MEGF10: variants seen among roughly 807,000 people sequenced by gnomAD.
MEGF10 encodes the protein multiple epidermal growth factor-like domains protein 10.
A neutral mutation model predicts 147.5 loss-of-function variants in MEGF10; 86 were observed. That is an observed-to-expected ratio of 0.58 (90% CI 0.49 to 0.70). The LOEUF is 0.70. Ranked by LOEUF, MEGF10 falls within the 30% of genes least tolerant of loss-of-function variation. MEGF10 has a pLI of 0.00. For synonymous variants in MEGF10, 478 were observed against 525.5 expected (o/e 0.91, Z 1.24); for missense variants, 1,329 against 1,487.3 (o/e 0.89, Z 1.75).
At chr5:127,434,238 G>A (rs1444953943) in intron 14 of MEGF10, among the ~76,000 whole-genome samples, 1 of 151,286 alleles carries the variant, frequency 6.6e-6, no homozygotes, top group African/African-American at 2.4e-5. Flanking sequence ...TTTTGAGGAG[G>A]AAAAATCTTC....
intron 22 of MEGF10, among the ~76,000 whole-genome samples, chr5:127,451,829 G>T (rs556018017): frequency 6.6e-6 from 1 of 152,284 alleles, no homozygotes; most frequent in East Asian, 1.9e-4. Context: ...CACAGAAAAA[G>T]TTCTTCACAA....
chr5:127,283,454 C>G, the MEGF10 span, among the ~76,000 whole-genome samples: 1 of 152,174 alleles, frequency 6.6e-6, no homozygotes, highest in East Asian at 1.9e-4. Flanking sequence ...CAAGCATGAT[C>G]CCACTCCACA....
At chr5:127,261,245 C>A in the MEGF10 span, among the ~76,000 whole-genome samples, 1 of 152,152 alleles carries the variant, frequency 6.6e-6, no homozygotes, top group African/African-American at 2.4e-5. Context: ...CATCACCCCT[C>A]AATCCAAATC....
intron 24 of MEGF10, among the ~76,000 whole-genome samples, chr5:127,456,888 C>T (rs1288861793): frequency 6.6e-6 from 1 of 152,194 alleles, no homozygotes; most frequent in Non-Finnish European, 1.5e-5. Context: ...CCCTTAATAT[C>T]TTCATCCCGA....
At chr5:127,437,678 A>AC (rs1244047761) in intron 16 of MEGF10, among the ~76,000 whole-genome samples, 2 of 152,102 alleles carry the variant, frequency 1.3e-5, no homozygotes, top group Admixed American at 6.5e-5. Context: ...ATCGGCAGTG[A>AC]CCCCTAATGA....
intron 1 of MEGF10, among the ~76,000 whole-genome samples, chr5:127,310,770 G>C (rs2585189): frequency 0.66 from 101,033 of 151,970 alleles, 33,954 homozygotes; most frequent in Middle Eastern, 0.82. Flanking sequence ...ATCATTTGTA[G>C]TATAGGGGCT....
intron 6 of MEGF10, 51 bp downstream of exon 6, chr5:127,396,829 T>C: frequency 6.4e-7 from 1 of 1,573,386 alleles, no homozygotes; most frequent in South Asian, 1.2e-5. Flanking sequence ...ACCCTCTCCA[T>C]TCATGCTGCT....
intron 1 of MEGF10, among the ~76,000 whole-genome samples, chr5:127,315,373 T>C (rs1339587809): frequency 2.0e-5 from 3 of 152,190 alleles, no homozygotes; most frequent in Admixed American, 6.5e-5. Context: ...ATACAAACAC[T>C]TATGTACATT....
At chr5:127,243,495 TA>T in the MEGF10 span, among the ~76,000 whole-genome samples, 5 of 152,296 alleles carry the variant, frequency 3.3e-5, no homozygotes, top group Admixed American at 6.5e-5. Flanking sequence ...TTTTCTTTCT[TA>T]AAAAATTTAT....
chr5:127,405,221 T>C (rs903591867), intron 8 of MEGF10, among the ~76,000 whole-genome samples: 6 of 152,210 alleles, frequency 3.9e-5, no homozygotes, highest in Non-Finnish European at 8.8e-5. Flanking sequence ...TTTTATGATG[T>C]CTTTGAATTA....
chr5:127,248,702 G>C, the MEGF10 span, among the ~76,000 whole-genome samples: 1 of 151,818 alleles, frequency 6.6e-6, no homozygotes, highest in African/African-American at 2.4e-5. Flanking sequence ...AACATGGATA[G>C]AGCCTCAGAA....
chr5:127,438,452 C>T lies in MEGF10; in HGVS notation c.2118C>T (p.Ala706=). 1 of 1,614,008 alleles carries T rather than the reference C, an allele frequency of 6.2e-7. No homozygotes were observed. The highest frequency in any genetic ancestry group is 8.5e-7 in the Non-Finnish European group (1 of 1,179,954). Residue 706 remains alanine, a synonymous_variant, in exon 17 of 25, where the codon GCC becomes GCT. Transcript: ENST00000503335. The part of the protein sequence containing the change: ...GSDCSQPCPP[A]HWGPNCIHTC... Reference sequence around the variant, plus strand: ...CTGTAATTTCAGCATGTCCACCTGCCCACTGGGGCCCAAACTGCATCCACA... The same window carrying T: ...CTGTAATTTCAGCATGTCCACCTGCTCACTGGGGCCCAAACTGCATCCACA...
chr5:127,312,264 C>A (rs1760322615), intron 1 of MEGF10, among the ~76,000 whole-genome samples: 1 of 152,160 alleles, frequency 6.6e-6, no homozygotes. Context: ...GGCACAGTGG[C>A]TTGTGGGCAC....
chr5:127,247,422 G>C, the MEGF10 span, among the ~76,000 whole-genome samples: 4 of 84,236 alleles, frequency 4.7e-5, no homozygotes, highest in African/African-American at 1.8e-4. Flanking sequence ...AGAAGAAGAA[G>C]AAGAAGAAGA....
At chr5:127,350,456 C>A (rs1245781918) in intron 4 of MEGF10, among the ~76,000 whole-genome samples, 1 of 152,072 alleles carries the variant, frequency 6.6e-6, no homozygotes, top group Non-Finnish European at 1.5e-5. Flanking sequence ...TTTCTCCCTG[C>A]CCCTTCCTGC....
intron 5 of MEGF10, among the ~76,000 whole-genome samples, chr5:127,376,759 G>T (rs753553786): frequency 2.1e-4 from 32 of 152,286 alleles, no homozygotes; most frequent in South Asian, 8.3e-4. Context: ...ACTATAAGAT[G>T]GTTGCAGTTA....
chr5:127,263,376 A>G, the MEGF10 span, among the ~76,000 whole-genome samples: 4 of 152,104 alleles, frequency 2.6e-5, no homozygotes, highest in South Asian at 2.1e-4. Context: ...TGCCTTTGCT[A>G]TAGATTTCCA....
Position 127,441,011 on chromosome 5 carries a change from T to C in MEGF10, c.2362+144T>C. 2 of 1,088,964 alleles carry C rather than the reference T, an allele frequency of 1.8e-6. 1 individual carries two copies. The highest frequency in any genetic ancestry group is 2.6e-6 in the Non-Finnish European group (2 of 766,164). 67.5% of individuals were successfully genotyped at this position (1,088,964 alleles called of 1,614,324 possible). Reference sequence around the variant, plus strand: ...TGGTTACTTCTCAGCATGACTGACTTCCCCTCCCAGAGGTCAGGCCTCCCT... The same window carrying C: ...TGGTTACTTCTCAGCATGACTGACTCCCCCTCCCAGAGGTCAGGCCTCCCT... On this transcript the variant is annotated intron_variant, in intron 18 of 24. Coordinates refer to ENST00000503335, the MANE Select transcript of MEGF10 (RefSeq NM_001256545.2).
At chr5:127,408,183 TA>T (rs1764405997) in intron 8 of MEGF10, among the ~76,000 whole-genome samples, 3 of 152,242 alleles carry the variant, frequency 2.0e-5, no homozygotes, top group Non-Finnish European at 2.9e-5. Flanking sequence ...TGGTAACAGA[TA>T]ATTTCCCAGG....
Sources: allele counts gnomAD v4.1 joint callset (sites outside exome capture counted in the v4.1 genomes callset), GRCh38; gene constraint gnomAD v4.1.1; transcripts MANE v1.5; gene names NCBI Gene and HGNC (gene_info 2026-07-23, HGNC 2026-07-21).